Variants in NELL1 observed in about 807,000 individuals in gnomAD.
NELL1 encodes protein kinase C-binding protein NELL1.
NELL1 carries 76 observed loss-of-function variants against 107.4 expected under a neutral mutation model. The ratio of observed to expected loss-of-function variants is 0.71; its 90% CI spans 0.59 to 0.86. The LOEUF (loss-of-function observed/expected upper bound fraction) is 0.86. Among genes scored for constraint, NELL1 ranks in the 40% least tolerant of loss-of-function variants. The pLI, the probability that NELL1 is intolerant of heterozygous loss-of-function variation, is 0.00. For missense variants in NELL1, 1,024 were observed against 1,005.5 expected (o/e 1.02, Z -0.25); for synonymous variants, 353 against 341.2 (o/e 1.03, Z -0.38).
chr11:20,910,467 C>T (rs1030371253), intron 5 of NELL1, among the ~76,000 whole-genome samples: 5 of 152,192 alleles, frequency 3.3e-5, no homozygotes, highest in African/African-American at 1.2e-4. Context: ...ACTGAAACAT[C>T]TCCATTTCCG....
intron 13 of NELL1, among the ~76,000 whole-genome samples, chr11:21,158,587 C>T (rs1856296473): frequency 6.6e-6 from 1 of 152,136 alleles, no homozygotes; most frequent in African/African-American, 2.4e-5. Context: ...GATTCTTCAT[C>T]TTACCTTGTG....
At chr11:20,816,701 C>T (rs1454339460) in intron 3 of NELL1, among the ~76,000 whole-genome samples, 1 of 152,138 alleles carries the variant, frequency 6.6e-6, no homozygotes, top group East Asian at 1.9e-4. Context: ...TAAGCATGGG[C>T]ATCCTTGTCT....
At chr11:21,141,414 T>A (rs1231727734) in intron 13 of NELL1, among the ~76,000 whole-genome samples, 1 of 152,204 alleles carries the variant, frequency 6.6e-6, no homozygotes, top group Non-Finnish European at 1.5e-5. Flanking sequence ...TCCTATTTGT[T>A]TTTTATCCTT....
chr11:21,291,994 G>A (rs1200445113), intron 14 of NELL1, among the ~76,000 whole-genome samples: 3 of 152,196 alleles, frequency 2.0e-5, no homozygotes, highest in Admixed American at 1.3e-4. Flanking sequence ...AAAGCCGGAA[G>A]CATTCCCTTT....
At chr11:20,901,018 CTT>C (rs1849860853) in intron 5 of NELL1, among the ~76,000 whole-genome samples, 1 of 152,026 alleles carries the variant, frequency 6.6e-6, no homozygotes, top group Non-Finnish European at 1.5e-5. Context: ...AAATATCATA[CTT>C]ACGGTTTAAA....
intron 15 of NELL1, among the ~76,000 whole-genome samples, chr11:21,505,111 T>C (rs1336034614): frequency 1.3e-5 from 2 of 152,182 alleles, no homozygotes; most frequent in African/African-American, 4.8e-5. Context: ...CGGAATGGCA[T>C]ATATCTTACA....
In NELL1 at chr11:20,797,565, C is replaced by CAAAAAAA. The variant is rs35016707; in HGVS notation, c.335+13751_335+13757dup. ...TGGGCGACAGAGCGAGACTCCATCTCAAAAAAAAAAAAAAAAAAAAAAGAC... is the reference window on the plus strand; with the variant it reads ...TGGGCGACAGAGCGAGACTCCATCTCAAAAAAAAAAAAAAAAAAAAAAAAAAAAAGAC... On this transcript the variant is annotated intron_variant, in intron 3 of 19. Coordinates refer to ENST00000357134, the MANE Select transcript of NELL1 (RefSeq NM_006157.5). 1.2e-4 allele frequency among the ~76,000 whole-genome samples: 8 copies of CAAAAAAA among 69,278 alleles called. 1 individual carries two copies. Among genetic ancestry groups the CAAAAAAA allele is most frequent in the African/African-American group, 5.0e-4 (8 of 16,070 alleles). 45.4% of individuals were successfully genotyped at this position (69,278 alleles called of 152,430 possible).
intron 2 of NELL1, among the ~76,000 whole-genome samples, chr11:20,748,993 C>A (rs1440808030): frequency 6.6e-6 from 1 of 151,592 alleles, no homozygotes; most frequent in Non-Finnish European, 1.5e-5. Flanking sequence ...GGCTGTTATA[C>A]CCTAGGAATT....
At chr11:21,044,304 CAGG>C in intron 12 of NELL1, among the ~76,000 whole-genome samples, 1 of 152,164 alleles carries the variant, frequency 6.6e-6, no homozygotes, top group Non-Finnish European at 1.5e-5. Flanking sequence ...TTTTACTTAT[CAGG>C]AGGTCTGTTG....
chr11:21,365,386 A>G (rs976488261), intron 14 of NELL1, among the ~76,000 whole-genome samples: 1 of 152,142 alleles, frequency 6.6e-6, no homozygotes, highest in African/African-American at 2.4e-5. Context: ...TCGATAACTT[A>G]TTTAGCTTAT....
chr11:21,205,386 A>G (rs954586900), intron 13 of NELL1, among the ~76,000 whole-genome samples: 4 of 152,318 alleles, frequency 2.6e-5, no homozygotes, highest in Admixed American at 6.5e-5. Flanking sequence ...CCCAGTTGGA[A>G]CTTCCCTGCG....
intron 10 of NELL1, among the ~76,000 whole-genome samples, chr11:20,946,778 T>G (rs1286202330): frequency 2.0e-5 from 3 of 152,194 alleles, no homozygotes; most frequent in Admixed American, 2.0e-4. Flanking sequence ...TGCTGTATGT[T>G]TTGTGGTTTC....
intron 15 of NELL1, 47 bp downstream of exon 15, chr11:21,370,995 A>G (rs772556849): frequency 1.5e-6 from 2 of 1,338,536 alleles, no homozygotes; most frequent in South Asian, 2.5e-5. Context: ...ATTGGTAGAA[A>G]GATTGATTCA....
At chr11:21,317,579 C>T (rs926481333) in intron 14 of NELL1, among the ~76,000 whole-genome samples, 1 of 149,934 alleles carries the variant, frequency 6.7e-6, no homozygotes, top group Non-Finnish European at 1.5e-5. Context: ...TTATATGTTC[C>T]TCAGGACAGC....
intron 12 of NELL1, among the ~76,000 whole-genome samples, chr11:21,097,119 C>T (rs1337156514): frequency 1.3e-5 from 2 of 151,814 alleles, no homozygotes; most frequent in East Asian, 2.0e-4. Context: ...AGTTTTTGCA[C>T]ACTCTCACTC....
intron 15 of NELL1, among the ~76,000 whole-genome samples, chr11:21,422,838 A>G (rs112868936): frequency 2.0e-5 from 3 of 152,278 alleles, no homozygotes; most frequent in African/African-American, 7.2e-5. Flanking sequence ...CCTTCTTAGC[A>G]GTAATTACAT....
chr11:20,865,214 C>A (rs1423004468), intron 4 of NELL1, among the ~76,000 whole-genome samples: 1 of 152,178 alleles, frequency 6.6e-6, no homozygotes, highest in Non-Finnish European at 1.5e-5. Flanking sequence ...ACAACTTTTG[C>A]AGGATCCACG....
At chr11:20,679,537 A>T (rs986679504) in intron 2 of NELL1, among the ~76,000 whole-genome samples, 3 of 152,178 alleles carry the variant, frequency 2.0e-5, no homozygotes, top group Admixed American at 2.0e-4. Flanking sequence ...ACTAATTTTC[A>T]CTTACTCCTT....
chr11:21,347,813 A>C (rs1850717540), intron 14 of NELL1, among the ~76,000 whole-genome samples: 1 of 152,170 alleles, frequency 6.6e-6, no homozygotes. Context: ...TTCCAGGCAG[A>C]GTCCTGGGAG....
Sources: gnomAD v4.1 joint callset for allele counts (sites outside exome capture counted in the v4.1 genomes callset) on GRCh38, gnomAD v4.1.1 for gene constraint, MANE v1.5 for transcripts, NCBI Gene and HGNC (gene_info 2026-07-23, HGNC 2026-07-21) for gene names.